Variants in FHOD3 observed in about 807,000 individuals in gnomAD.
FHOD3 encodes formin homology 2 domain containing 3.
In FHOD3, 90 loss-of-function variants were observed where a neutral mutation model predicts 173.0. That is an observed-to-expected ratio of 0.52 (90% CI 0.44 to 0.62). FHOD3 has a LOEUF of 0.62. Among genes scored for constraint, FHOD3 ranks in the 20% least tolerant of loss-of-function variants. The pLI is 0.00. For missense variants in FHOD3, 1,945 were observed against 2,034.7 expected, an observed-to-expected ratio of 0.96 and a Z score of 0.85; for synonymous variants, 828 against 823.0, an observed-to-expected ratio of 1.01 and a Z score of -0.10.
At chr18:36,416,044 A>C (rs1555697395) in intron 3 of FHOD3, among the ~76,000 whole-genome samples, 1 of 152,030 alleles carries the variant, frequency 6.6e-6, no homozygotes, top group Non-Finnish European at 1.5e-5. Flanking sequence ...TTTTTTATTT[A>C]TTTTTTTGAG....
intron 3 of FHOD3, among the ~76,000 whole-genome samples, chr18:36,414,638 C>T (rs988626356): frequency 5.3e-5 from 8 of 152,160 alleles, no homozygotes; most frequent in Non-Finnish European, 1.0e-4. Flanking sequence ...GATCCCGTGG[C>T]CCCTGGTGGC....
At chr18:36,511,154 G>A (rs1283993721) in intron 4 of FHOD3, among the ~76,000 whole-genome samples, 6 of 152,020 alleles carry the variant, frequency 3.9e-5, no homozygotes, top group African/African-American at 1.5e-4. Context: ...ACATCACTGA[G>A]GTTTTTTATT....
chr18:36,624,323 G>A (rs551421873), intron 9 of FHOD3, among the ~76,000 whole-genome samples: 1 of 152,262 alleles, frequency 6.6e-6, no homozygotes, highest in Non-Finnish European at 1.5e-5. Context: ...AGCCAGAGAG[G>A]GTACAAGTAA....
chr18:36,565,236 C>T (rs951506093), intron 5 of FHOD3, among the ~76,000 whole-genome samples: 1 of 152,084 alleles, frequency 6.6e-6, no homozygotes, highest in Non-Finnish European at 1.5e-5. Flanking sequence ...TAGACAAATC[C>T]AGTTCAGAGT....
intron 9 of FHOD3, among the ~76,000 whole-genome samples, chr18:36,617,975 T>C (rs942420554): frequency 9.2e-5 from 14 of 152,174 alleles, no homozygotes; most frequent in African/African-American, 2.9e-4. Flanking sequence ...ATTAGTCTGT[T>C]ATGAATATTT....
chr18:36,594,733 C>A, intron 6 of FHOD3, 54 bp from the exon 7 acceptor site: 1 of 1,322,846 alleles, frequency 7.6e-7, no homozygotes, highest in East Asian at 2.3e-5. Flanking sequence ...AAGATGCTCT[C>A]TGGTGCACAG....
intron 17 of FHOD3, among the ~76,000 whole-genome samples, chr18:36,699,737 C>G (rs2039476564): frequency 6.6e-6 from 1 of 152,176 alleles, no homozygotes. Context: ...GACACACTCA[C>G]GTTGACTTTC....
chr18:36,730,321 A>G (rs1307840907), intron 19 of FHOD3, among the ~76,000 whole-genome samples: 1 of 152,206 alleles, frequency 6.6e-6, no homozygotes, highest in Admixed American at 6.5e-5. Context: ...GGAATTCTGA[A>G]AGGTTTTGAT....
intron 8 of FHOD3, among the ~76,000 whole-genome samples, chr18:36,610,662 G>A (rs1204723928): frequency 6.6e-6 from 1 of 152,210 alleles, no homozygotes; most frequent in Non-Finnish European, 1.5e-5. Context: ...TTCGAGTTAT[G>A]AATAGAGGCC....
chr18:36,420,953 C>G (rs2049953008), intron 3 of FHOD3, among the ~76,000 whole-genome samples: 1 of 152,176 alleles, frequency 6.6e-6, no homozygotes. Context: ...ATGTTTATCA[C>G]TGTCTCTTTC....
intron 1 of FHOD3, among the ~76,000 whole-genome samples, chr18:36,317,974 TA>T (rs2044209337): frequency 6.6e-6 from 1 of 152,226 alleles, no homozygotes; most frequent in African/African-American, 2.4e-5. Context: ...CACCATTTAT[TA>T]AATAGAGAAT....
chr18:36,671,062 T>C (rs1174059019), intron 14 of FHOD3, among the ~76,000 whole-genome samples: 1 of 152,258 alleles, frequency 6.6e-6, no homozygotes, highest in East Asian at 1.9e-4. Context: ...TGGATAGTTC[T>C]TTCACTGGCC....
At chr18:36,525,878 A>G (rs1292861590) in intron 5 of FHOD3, among the ~76,000 whole-genome samples, 3 of 152,216 alleles carry the variant, frequency 2.0e-5, no homozygotes, top group African/African-American at 4.8e-5. Context: ...AGAGTGACTA[A>G]TGGAGAAGGC....
intron 14 of FHOD3, among the ~76,000 whole-genome samples, chr18:36,671,412 G>A (rs574621570): frequency 2.0e-5 from 3 of 152,222 alleles, no homozygotes; most frequent in African/African-American, 7.2e-5. Context: ...CAGTGCTGCT[G>A]TTTCATAGAT....
At chr18:36,696,153 G>A (rs771731404) in intron 17 of FHOD3, among the ~76,000 whole-genome samples, 1 of 152,148 alleles carries the variant, frequency 6.6e-6, no homozygotes, top group Non-Finnish European at 1.5e-5. Flanking sequence ...CAGATAGATG[G>A]AAAGCTGTGC....
At chr18:36,583,061 A>C (rs1240670292) in intron 6 of FHOD3, among the ~76,000 whole-genome samples, 1 of 152,246 alleles carries the variant, frequency 6.6e-6, no homozygotes, top group Non-Finnish European at 1.5e-5. Context: ...AAAAATGAAT[A>C]AGCAGATCTT....
chr18:36,630,710 C>A (rs1464599083), intron 10 of FHOD3, among the ~76,000 whole-genome samples: 1 of 152,186 alleles, frequency 6.6e-6, no homozygotes, highest in East Asian at 1.9e-4. Context: ...GCTGAGGAAT[C>A]TGCATTGAGA....
chr18:36,484,553 G>A (rs73421058), intron 3 of FHOD3, among the ~76,000 whole-genome samples: 5,265 of 152,084 alleles, frequency 0.035, 286 homozygotes, highest in African/African-American at 0.12. Context: ...ATAAAAACAG[G>A]CCTCCTCATA....
chr18:36,405,316 G>A (rs532958034), intron 3 of FHOD3, among the ~76,000 whole-genome samples: 2 of 152,308 alleles, frequency 1.3e-5, no homozygotes, highest in South Asian at 2.1e-4. Context: ...GAAGAGGTTC[G>A]ATTCCACCAA....
Sources: gnomAD v4.1 joint callset for allele counts (sites outside exome capture counted in the v4.1 genomes callset) on GRCh38, gnomAD v4.1.1 for gene constraint, MANE v1.5 for transcripts, NCBI Gene and HGNC (gene_info 2026-07-23, HGNC 2026-07-21) for gene names.